Variants in CREBBP observed in about 807,000 individuals in gnomAD.
CREBBP encodes the protein CREB-binding protein.
In CREBBP, 19 loss-of-function variants were observed where a neutral mutation model predicts 265.0. That is an observed-to-expected ratio of 0.07 (90% CI 0.05 to 0.11). The LOEUF is 0.11. Ranked by LOEUF, CREBBP falls within the 10% of genes least tolerant of loss-of-function variation. The pLI is 1.00. For missense variants in CREBBP, 2,525 were observed against 3,219.0 expected, an observed-to-expected ratio of 0.78 and a Z score of 5.22; for synonymous variants, 1,457 against 1,223.7, an observed-to-expected ratio of 1.19 and a Z score of -3.98.
intron 2 of CREBBP, among the ~76,000 whole-genome samples, chr16:3,826,666 G>A (rs1212889998): frequency 6.6e-6 from 1 of 152,106 alleles, no homozygotes; most frequent in African/African-American, 2.4e-5. Context: ...CACCTGACTC[G>A]TTCTCCTCAA....
chr16:3,726,804 G>C lies in CREBBP; in HGVS notation c.*914C>G, dbSNP rs2051758049. On this transcript the variant is annotated 3_prime_UTR_variant, in exon 31 of 31. Transcript: ENST00000262367. ...GTTAATACCATGTACATGAATTCAA[G>C]AAGGACCACCCTTTTTGTCTGTTGC... 4.3e-6 allele frequency: 1 copy of C among 233,286 alleles called. No homozygotes were observed. The highest frequency in any genetic ancestry group is 1.8e-4 in the South Asian group (1 of 5,526). The allele number at this position is 233,286 out of a possible 1,614,324, so 14.5% of individuals were successfully genotyped here.
Position 3,729,505 on chromosome 16 carries a change from G to A in CREBBP, c.5542C>T (p.His1848Tyr), listed in dbSNP as rs1567263302. 1 of 1,614,208 alleles carries A rather than the reference G, an allele frequency of 6.2e-7. No individual in the cohort carries two copies. Among genetic ancestry groups the A allele is most frequent in the Non-Finnish European group, 8.5e-7 (1 of 1,180,022 alleles). The change falls in exon 31 of 31, where the codon CAC (histidine) becomes TAC (tyrosine). Residue 1848 changes from histidine (H) to tyrosine (Y), a missense_variant. His to Tyr is a moderately conservative substitution (Grantham distance 83). This residue lies in a region of CREBBP where 53 missense variants were observed against 146.3 expected (regional missense o/e 0.36). Transcript: ENST00000262367. ...TGGATCTGCTGCTGGCGGAGCTTGT[G>A]TTTGATGTTGAGGCAGAAGGGCACG... ...CPVPFCLNIK[H>Y]KLRQQQIQHR... is the part of the protein sequence containing the mutation.
At chr16:3,818,646 A>G (rs2054085730) in intron 2 of CREBBP, among the ~76,000 whole-genome samples, 1 of 152,084 alleles carries the variant, frequency 6.6e-6, no homozygotes, top group Admixed American at 6.5e-5. Context: ...CGAGGAGCCC[A>G]CTAAGTCCAT....
intron 8 of CREBBP, 29 bp from the exon 9 acceptor site, chr16:3,778,846 C>CA: frequency 6.7e-7 from 1 of 1,502,300 alleles, no homozygotes; most frequent in Non-Finnish European, 9.2e-7. Context: ...TATCAAACTA[C>CA]TTTTTTTTTT....
intron 25 of CREBBP, 105 bp from the exon 26 acceptor site, chr16:3,738,777 G>A: frequency 1.3e-6 from 1 of 780,252 alleles, no homozygotes; most frequent in Non-Finnish European, 2.2e-6. Context: ...ACAGGGTCTT[G>A]CTCTGTCATT....
At chr16:3,875,551 T>C (rs2055383036) in intron 1 of CREBBP, among the ~76,000 whole-genome samples, 2 of 152,024 alleles carry the variant, frequency 1.3e-5, no homozygotes, top group South Asian at 4.1e-4. Flanking sequence ...CCACCACAGG[T>C]GGTTACAAAC....
At chr16:3,868,057 G>A (rs1445518848) in intron 1 of CREBBP, among the ~76,000 whole-genome samples, 1 of 152,124 alleles carries the variant, frequency 6.6e-6, no homozygotes, top group Non-Finnish European at 1.5e-5. Flanking sequence ...GGGCTACTTA[G>A]GGCAAAAAGA....
chr16:3,729,997 ACCCAGACAGGATGCGAG>A, intron 30 of CREBBP, 123 bp from the exon 31 acceptor site: 1 of 1,499,998 alleles, frequency 6.7e-7, no homozygotes, highest in Non-Finnish European at 9.0e-7. Flanking sequence ...AGGATAGGAG[ACCCAGACAGGATGCGAG>A]CACGGACAGG....
chr16:3,753,095 G>A (rs1293204728), intron 19 of CREBBP, among the ~76,000 whole-genome samples: 1 of 152,320 alleles, frequency 6.6e-6, no homozygotes, highest in East Asian at 1.9e-4. Flanking sequence ...CAAGATGCCA[G>A]GAAGGATTAG....
intron 16 of CREBBP, among the ~76,000 whole-genome samples, chr16:3,767,015 G>A (rs533309532): frequency 1.3e-5 from 2 of 152,308 alleles, no homozygotes; most frequent in South Asian, 2.1e-4. Context: ...TTTCCCAAAA[G>A]TGTCATCTGC....
intron 23 of CREBBP, among the ~76,000 whole-genome samples, chr16:3,744,101 T>C (rs1338619821): frequency 6.6e-6 from 1 of 152,030 alleles, no homozygotes; most frequent in African/African-American, 2.4e-5. Context: ...AGTCTACTCA[T>C]GCAAAGTTAC....
Position 3,773,927 on chromosome 16 carries a change from C to A in CREBBP, c.2287G>T (p.Ala763Ser), listed in dbSNP as rs768288810. The change falls in exon 13 of 31, where the codon GCC becomes TCC. Residue 763 changes from alanine to serine, a missense_variant. Ala to Ser is a moderately conservative substitution (Grantham distance 99). Transcript: ENST00000262367. Reference protein sequence around the residue: ...MNSMGSVPGMAISPSRMPQPP... With the variant: ...MNSMGSVPGMSISPSRMPQPP... ...TGAGGCATTCGGGAAGGAGAAATGG[C>A]CATCTACGAGACAACAAGCACCACC... is the stretch of plus-strand genomic sequence containing the variant. 4.3e-6 allele frequency: 7 copies of A among 1,612,052 alleles called. No homozygotes were observed. In the Admixed American group the frequency reaches 8.3e-5, roughly 19 times the overall value.
intron 6 of CREBBP, 101 bp from the exon 7 acceptor site, chr16:3,781,407 G>T: frequency 1.0e-6 from 1 of 952,762 alleles, no homozygotes; most frequent in Non-Finnish European, 1.6e-6. Flanking sequence ...AACAATTGGT[G>T]GTTATTTAAA....
chr16:3,734,726 T>A (rs2052006446), intron 28 of CREBBP, among the ~76,000 whole-genome samples: 1 of 151,278 alleles, frequency 6.6e-6, no homozygotes, highest in South Asian at 2.1e-4. Context: ...CGAATGACAC[T>A]CTGGGGCGCC....
rs2054270938 is a variant in CREBBP at position 3,827,979 on chromosome 16, A to AC, written c.799-17201dup. On this transcript the variant is annotated intron_variant, in intron 2 of 30. Transcript: ENST00000262367. ...AGTGTTGGGATTGCAGGTGTGAACC[A>AC]CTGCACCTGGCCAAGATCACTTTAA... Among the ~76,000 whole-genome samples, 5 of 152,320 alleles carry AC rather than the reference A, an allele frequency of 3.3e-5. No individual in the cohort carries two copies. The South Asian group carries it at 1.0e-3, about 32-fold the overall frequency.
rs1276899977 is a variant in CREBBP, at chr16:3,740,721, G to T, written c.3983-172C>A. ...CCTGTGACACGAGTGTTATATAAAGGAAAGGTGGACTCTGGGATCTCAGGC... is the reference window on the plus strand; with the variant it reads ...CCTGTGACACGAGTGTTATATAAAGTAAAGGTGGACTCTGGGATCTCAGGC... On this transcript the variant is annotated intron_variant, in intron 23 of 30. Transcript: ENST00000262367. The T allele has an allele frequency of 1.6e-5, 13 of 822,620 alleles. No homozygotes were observed. The East Asian group carries it at 3.5e-4, about 22-fold the overall frequency. 51.0% of individuals were successfully genotyped at this position (822,620 alleles called of 1,614,324 possible). A position where few individuals can be genotyped will look rare whatever the true frequency, so the allele number is the denominator to read the frequency against.
intron 4 of CREBBP, 24 bp from the exon 5 acceptor site, chr16:3,792,118 T>C: frequency 6.5e-7 from 1 of 1,549,940 alleles, no homozygotes; most frequent in Non-Finnish European, 8.9e-7. Context: ...AACAACGAGA[T>C]GTTATTTTTC....
chr16:3,778,246 G>A (rs1344852899), intron 9 of CREBBP, 64 bp from the exon 10 acceptor site: 9 of 1,350,592 alleles, frequency 6.7e-6, no homozygotes, highest in African/African-American at 1.4e-5. Flanking sequence ...AATGATCTGT[G>A]TTGTAGGTTC....
intron 19 of CREBBP, among the ~76,000 whole-genome samples, chr16:3,754,832 C>T (rs1326204297): frequency 6.6e-6 from 1 of 152,066 alleles, no homozygotes; most frequent in East Asian, 1.9e-4. Flanking sequence ...GTTCTAAGTG[C>T]CCAGTTTAGG....
Sources: gnomAD v4.1 joint callset for allele counts (sites outside exome capture counted in the v4.1 genomes callset) on GRCh38, gnomAD v4.1.1 for gene constraint, gnomAD v4.1.1 regional missense constraint, MANE v1.5 for transcripts, NCBI Gene and HGNC (gene_info 2026-07-23, HGNC 2026-07-21) for gene names.